RGL1: variants seen among roughly 807,000 people sequenced by gnomAD.
RGL1 encodes ral guanine nucleotide dissociation stimulator-like 1.
Under a neutral mutation model 95.2 loss-of-function variants are expected in RGL1, and 24 were observed. That is an observed-to-expected ratio of 0.25 (90% confidence interval 0.18 to 0.35). The LOEUF is 0.35. Ranked by LOEUF, RGL1 falls within the 10% of genes least tolerant of loss-of-function variation. RGL1 has a pLI of 1.00. For synonymous variants in RGL1, 329 were observed against 344.9 expected, an observed-to-expected ratio of 0.95 and a Z score of 0.51; for missense variants, 715 against 936.3, an observed-to-expected ratio of 0.76 and a Z score of 3.08.
chr1:183,747,506 A>T (rs1490878673), intron 2 of RGL1, among the ~76,000 whole-genome samples: 1 of 151,994 alleles, frequency 6.6e-6, no homozygotes, highest in Non-Finnish European at 1.5e-5. Flanking sequence ...TTGTAAATTT[A>T]TTTAGGTTCC....
chr1:183,669,315 T>C (rs940778481), intron 1 of RGL1, among the ~76,000 whole-genome samples: 7 of 152,210 alleles, frequency 4.6e-5, no homozygotes, highest in African/African-American at 1.7e-4. Context: ...TTGTTTCTCT[T>C]ACACTATATT....
At chr1:183,685,468 G>A (rs1482648592) in intron 1 of RGL1, among the ~76,000 whole-genome samples, 1 of 152,120 alleles carries the variant, frequency 6.6e-6, no homozygotes, top group East Asian at 1.9e-4. Context: ...TACAAATGTG[G>A]CAAAGACTAC....
At chr1:183,734,872 C>T (rs1256116848) in intron 1 of RGL1, among the ~76,000 whole-genome samples, 1 of 152,160 alleles carries the variant, frequency 6.6e-6, no homozygotes, top group Non-Finnish European at 1.5e-5. Context: ...GTTAAGTATC[C>T]TCTCCCTTCC....
At chr1:183,705,050 G>C (rs1654819163) in intron 1 of RGL1, among the ~76,000 whole-genome samples, 1 of 152,202 alleles carries the variant, frequency 6.6e-6, no homozygotes, top group Non-Finnish European at 1.5e-5. Flanking sequence ...GACGGGGGCT[G>C]AGGCGAGAGC....
At chr1:183,781,446 A>C (rs1659899268) in intron 2 of RGL1, among the ~76,000 whole-genome samples, 1 of 152,186 alleles carries the variant, frequency 6.6e-6, no homozygotes, top group African/African-American at 2.4e-5. Flanking sequence ...AATATTTATT[A>C]AGTTTTTTAA....
rs987069978 is a variant in RGL1 at position 183,884,771 on chromosome 1, T to A, written c.784T>A (p.Ser262Thr). The part of the protein sequence containing the change: ...VPHHCLGCIW[S>T]RRDKKENKHL... ...TCACCACTGCCTGGGCTGCATTTGG[T>A]CTCGAAGGGATAAGAAGGAAAACAA... Residue 262 changes from serine to threonine, a missense_variant, in exon 7 of 18, where the codon TCT (serine) becomes ACT (threonine). Ser to Thr is a moderately conservative substitution (Grantham distance 58, BLOSUM62 1). This residue lies in a region of RGL1 where 381 missense variants were observed against 484.8 expected (regional missense o/e 0.79). Coordinates refer to ENST00000360851, the MANE Select transcript of RGL1 (RefSeq NM_001297671.3). The A allele has an allele frequency of 4.3e-6, 7 of 1,613,970 alleles. No individual in the cohort carries two copies. In the African/African-American group the frequency reaches 9.3e-5, roughly 22 times the overall value.
intron 1 of RGL1, among the ~76,000 whole-genome samples, chr1:183,661,218 T>G (rs1651596940): frequency 1.3e-5 from 2 of 151,908 alleles, no homozygotes; most frequent in African/African-American, 2.4e-5. Context: ...AGAGCAGAGC[T>G]GAAGGAAATA....
intron 1 of RGL1, among the ~76,000 whole-genome samples, chr1:183,683,763 C>G (rs1196627621): frequency 6.6e-6 from 1 of 152,194 alleles, no homozygotes; most frequent in East Asian, 1.9e-4. Flanking sequence ...AGAGTGTTTT[C>G]CAACTTGATT....
intron 2 of RGL1, among the ~76,000 whole-genome samples, chr1:183,771,281 A>G (rs1356793714): frequency 1.3e-5 from 2 of 151,596 alleles, no homozygotes; most frequent in African/African-American, 4.8e-5. Context: ...AGGAAACTCC[A>G]GTGGAATTTA....
At chr1:183,669,972 C>T (rs1452134322) in intron 1 of RGL1, among the ~76,000 whole-genome samples, 2 of 152,164 alleles carry the variant, frequency 1.3e-5, no homozygotes, top group Admixed American at 1.3e-4. Flanking sequence ...CACCGGGTCC[C>T]TCTTATGACG....
chr1:183,702,149 C>T (rs937716046), intron 1 of RGL1, among the ~76,000 whole-genome samples: 17 of 152,056 alleles, frequency 1.1e-4, no homozygotes, highest in Admixed American at 8.5e-4. Context: ...TAAAGTAGGA[C>T]CATTGTTTAC....
At chr1:183,734,182 C>G (rs576258697) in intron 1 of RGL1, among the ~76,000 whole-genome samples, 1 of 152,304 alleles carries the variant, frequency 6.6e-6, no homozygotes, top group African/African-American at 2.4e-5. Context: ...GTGAATCTAA[C>G]ATTTCTAGAT....
intron 2 of RGL1, among the ~76,000 whole-genome samples, chr1:183,773,268 A>G (rs1403481672): frequency 1.3e-5 from 2 of 151,098 alleles, no homozygotes; most frequent in African/African-American, 4.9e-5. Flanking sequence ...ATGTACACTT[A>G]TCACATTATA....
intron 2 of RGL1, among the ~76,000 whole-genome samples, chr1:183,825,120 G>T (rs1662758886): frequency 6.6e-6 from 1 of 152,162 alleles, no homozygotes. Flanking sequence ...GAGAACAGTG[G>T]TATCATTAGT....
intron 2 of RGL1, among the ~76,000 whole-genome samples, chr1:183,756,085 A>G (rs1027795212): frequency 2.6e-5 from 4 of 151,878 alleles, no homozygotes; most frequent in African/African-American, 9.7e-5. Context: ...GGGTTTCACC[A>G]TGTTGGCCAG....
Position 183,866,169 on chromosome 1 carries a change from AT to A in RGL1, c.425+105del, listed in dbSNP as rs1000638934. The stretch of plus-strand genomic sequence containing the variant: ...TTTTATTCCTTTGAATGTTGCCATG[AT>A]TTTTTTTTCCATAGTGCATACAGAG... On this transcript the variant is annotated intron_variant, in intron 4 of 17. Coordinates refer to ENST00000360851, the MANE Select transcript of RGL1 (RefSeq NM_001297671.3). The A allele has an allele frequency of 1.4e-4, 149 of 1,049,530 alleles. 1 individual carries two copies. Among genetic ancestry groups the A allele is most frequent in the Admixed American group, 3.4e-4 (17 of 50,682 alleles). 65.0% of individuals were successfully genotyped at this position (1,049,530 alleles called of 1,614,324 possible).
At chr1:183,750,010 C>T (rs981540252) in intron 2 of RGL1, among the ~76,000 whole-genome samples, 2 of 152,104 alleles carry the variant, frequency 1.3e-5, no homozygotes, top group Non-Finnish European at 2.9e-5. Flanking sequence ...TTCATTTCAA[C>T]CTTGGTGAAT....
Position 183,689,417 on chromosome 1 carries a change from C to T in RGL1, c.-32-52709C>T, listed in dbSNP as rs145079968. ...GCTGTTTCTCTCCTGGATGTGTTTC[C>T]CATCCTGGGTCATTTGCTTAAATTC... On this transcript the variant is annotated intron_variant, in intron 1 of 18. Coordinates refer to the RGL1 transcript ENST00000304685. Among the ~76,000 whole-genome samples the T allele has an allele frequency of 3.1e-3, 479 of 152,168 alleles. 1 individual carries two copies. The highest frequency in any genetic ancestry group is 0.027 in the Middle Eastern group (8 of 294).
intron 14 of RGL1, among the ~76,000 whole-genome samples, chr1:183,908,671 C>T (rs1387675864): frequency 1.3e-5 from 2 of 152,184 alleles, no homozygotes; most frequent in African/African-American, 2.4e-5. Context: ...AGGGAATCAG[C>T]TCCCTGATAG....
Sources: gnomAD v4.1 joint callset for allele counts (sites outside exome capture counted in the v4.1 genomes callset) on GRCh38, gnomAD v4.1.1 for gene constraint, gnomAD v4.1.1 regional missense constraint, MANE v1.5 for transcripts, NCBI Gene and HGNC (gene_info 2026-07-23, HGNC 2026-07-21) for gene names.